The following RBFOX1 variants were observed in gnomAD, a reference collection of about 807,000 sequenced individuals.
The protein encoded by RBFOX1 is RNA binding protein fox-1 homolog 1.
RBFOX1 carries 8 observed loss-of-function variants against 57.7 expected under a neutral mutation model. The observed-to-expected ratio is 0.14, with a 90% CI of 0.08 to 0.25. RBFOX1 has a LOEUF of 0.25. Ranked by LOEUF, RBFOX1 falls within the 10% of genes least tolerant of loss-of-function variation. RBFOX1 has a pLI of 1.00. For missense variants in RBFOX1, 611 were observed against 548.5 expected, an observed-to-expected ratio of 1.11 and a Z score of -1.14; for synonymous variants, 326 against 222.4, an observed-to-expected ratio of 1.47 and a Z score of -4.15.
intron 4 of RBFOX1, among the ~76,000 whole-genome samples, chr16:7,338,955 G>C (rs976857954): frequency 2.7e-4 from 41 of 152,176 alleles, no homozygotes; most frequent in African/African-American, 9.7e-4. Context: ...TATAAATGCT[G>C]GTGGCGTCAT....
intron 3 of RBFOX1, among the ~76,000 whole-genome samples, chr16:6,905,627 T>G (rs2069675384): frequency 6.6e-6 from 1 of 152,032 alleles, no homozygotes; most frequent in African/African-American, 2.4e-5. Context: ...TTGTGTTTAT[T>G]CCAATTTTCC....
chr16:7,379,808 GCCTC>G (rs911609501), intron 4 of RBFOX1, among the ~76,000 whole-genome samples: 1 of 150,812 alleles, frequency 6.6e-6, no homozygotes, highest in Non-Finnish European at 1.5e-5. Flanking sequence ...CTGCCTGCCT[GCCTC>G]CCTCCCTCCC....
intron 4 of RBFOX1, among the ~76,000 whole-genome samples, chr16:5,977,966 A>G (rs1004095059): frequency 4.0e-5 from 6 of 151,896 alleles, no homozygotes; most frequent in Admixed American, 6.6e-5. Flanking sequence ...GCTGGCTTCA[A>G]TTCCCACTTT....
At chr16:7,501,766 G>A (rs1314309762) in intron 4 of RBFOX1, among the ~76,000 whole-genome samples, 1 of 152,136 alleles carries the variant, frequency 6.6e-6, no homozygotes, top group Admixed American at 6.5e-5. Flanking sequence ...CAGTTCTTCT[G>A]GAAAACCTTA....
At chr16:7,214,088 A>AAT (rs770099717) in intron 4 of RBFOX1, among the ~76,000 whole-genome samples, 1,632 of 150,320 alleles carry the variant, frequency 0.011, 16 homozygotes, top group Middle Eastern at 0.041. Context: ...AAAAAAAAAA[A>AAT]TTTTTCCACT....
intron 12 of RBFOX1, among the ~76,000 whole-genome samples, chr16:7,664,236 AACAC>A (rs139304379): frequency 5.3e-5 from 8 of 152,222 alleles, no homozygotes; most frequent in African/African-American, 1.4e-4. Flanking sequence ...TGTCCATATT[AACAC>A]ACACAAATAT....
Position 5,990,888 on chromosome 16 carries a change from C to T in RBFOX1, c.351+123553C>T, listed in dbSNP as rs577213471. Among the ~76,000 whole-genome samples, 8 of 152,218 alleles carry T rather than the reference C, an allele frequency of 5.3e-5. No homozygotes were observed. The East Asian group carries it at 9.7e-4, about 18-fold the overall frequency. On this transcript the variant is annotated intron_variant, in intron 4 of 19. Coordinates refer to the RBFOX1 transcript ENST00000641259. ...ACTCGGGAGGCTGAGGCAGGAGACT[C>T]GCTTGAACCTGGAAGGCAGAGGTTG...
intron 3 of RBFOX1, among the ~76,000 whole-genome samples, chr16:6,958,174 G>T (rs895380589): frequency 6.6e-6 from 1 of 152,174 alleles, no homozygotes; most frequent in Non-Finnish European, 1.5e-5. Context: ...CTTAATATGG[G>T]AGGGCTGCAA....
intron 3 of RBFOX1, among the ~76,000 whole-genome samples, chr16:5,695,898 A>G (rs939154679): frequency 6.6e-6 from 1 of 152,176 alleles, no homozygotes; most frequent in Non-Finnish European, 1.5e-5. Flanking sequence ...TCAGAACATC[A>G]TGTTGTACCT....
At chr16:5,895,646 T>C (rs2058145907) in intron 4 of RBFOX1, among the ~76,000 whole-genome samples, 2 of 152,198 alleles carry the variant, frequency 1.3e-5, no homozygotes, top group African/African-American at 4.8e-5. Context: ...TAACGTGCAG[T>C]CTAACTGTGG....
intron 3 of RBFOX1, among the ~76,000 whole-genome samples, chr16:5,803,920 C>G (rs948895093): frequency 3.3e-5 from 5 of 152,156 alleles, no homozygotes; most frequent in Non-Finnish European, 7.3e-5. Context: ...CTCTCTCTGC[C>G]TGGAATTGTC....
intron 2 of RBFOX1, among the ~76,000 whole-genome samples, chr16:6,636,167 G>A (rs1602196112): frequency 1.3e-5 from 2 of 152,060 alleles, no homozygotes; most frequent in Admixed American, 6.6e-5. Context: ...GGGGCACTTG[G>A]ATTTGGGATT....
intron 2 of RBFOX1, among the ~76,000 whole-genome samples, chr16:6,516,658 G>C (rs998368388): frequency 5.3e-5 from 8 of 152,154 alleles, no homozygotes; most frequent in Admixed American, 5.2e-4. Flanking sequence ...ACAATCTGTT[G>C]ATTGTCAAGA....
At chr16:6,265,620 C>G (rs1295976870) in intron 1 of RBFOX1, among the ~76,000 whole-genome samples, 1 of 152,196 alleles carries the variant, frequency 6.6e-6, no homozygotes, top group Non-Finnish European at 1.5e-5. Flanking sequence ...CTGAAGCCTT[C>G]TTAAATTAGT....
intron 2 of RBFOX1, among the ~76,000 whole-genome samples, chr16:6,623,055 G>T (rs1428856648): frequency 6.6e-6 from 1 of 152,112 alleles, no homozygotes; most frequent in Non-Finnish European, 1.5e-5. Context: ...TTGTCAGTCC[G>T]CCATCGACAT....
At chr16:5,773,344 G>C (rs562261718) in intron 3 of RBFOX1, among the ~76,000 whole-genome samples, 1 of 152,256 alleles carries the variant, frequency 6.6e-6, no homozygotes, top group South Asian at 2.1e-4. Flanking sequence ...GCAGCCTCTA[G>C]ACTATGTCTG....
intron 3 of RBFOX1, among the ~76,000 whole-genome samples, chr16:7,012,312 G>T (rs993964627): frequency 6.6e-6 from 1 of 152,182 alleles, no homozygotes; most frequent in Non-Finnish European, 1.5e-5. Context: ...TGGCAGGTGA[G>T]ATCTCATAAC....
intron 1 of RBFOX1, among the ~76,000 whole-genome samples, chr16:6,170,439 C>A (rs1005714317): frequency 6.6e-6 from 1 of 152,104 alleles, no homozygotes; most frequent in Non-Finnish European, 1.5e-5. Context: ...GAATTGTGGG[C>A]TCCTCTTCTG....
At chr16:7,301,385 G>A (rs2096027849) in intron 4 of RBFOX1, among the ~76,000 whole-genome samples, 1 of 152,156 alleles carries the variant, frequency 6.6e-6, no homozygotes, top group African/African-American at 2.4e-5. Flanking sequence ...TAATTTTGAT[G>A]TGGATTTAGG....
Sources: allele counts gnomAD v4.1 joint callset (sites outside exome capture counted in the v4.1 genomes callset), GRCh38; gene constraint gnomAD v4.1.1; transcripts MANE v1.5; gene names NCBI Gene and HGNC (gene_info 2026-07-23, HGNC 2026-07-21).